The following MTUS1 variants were observed in gnomAD, a reference collection of about 807,000 sequenced individuals.
MTUS1 encodes the protein microtubule associated scaffold protein 1, also known as microtubule-associated tumor suppressor 1.
In MTUS1, 109 loss-of-function variants were observed where a neutral mutation model predicts 120.8. The observed-to-expected ratio is 0.90, with a 90% CI of 0.77 to 1.06. MTUS1 has a LOEUF of 1.06. Ranked by LOEUF, MTUS1 falls within the 50% of genes least tolerant of loss-of-function variation. MTUS1 has a pLI of 0.00. For synonymous variants in MTUS1, 737 were observed against 550.5 expected (o/e 1.34, Z -4.74); for missense variants, 2,210 against 1,486.3 (o/e 1.49, Z -8.01).
chr8:17,722,409 C>T (rs991201213), intron 4 of MTUS1: 44 of 984,834 alleles, frequency 4.5e-5, no homozygotes, highest in Admixed American at 1.2e-4. Flanking sequence ...AAATAATACA[C>T]GTGTGAATTA....
At chr8:17,670,479 C>G (rs2410494) in intron 8 of MTUS1, among the ~76,000 whole-genome samples, 113,321 of 152,034 alleles carry the variant, frequency 0.75, 42,734 homozygotes, top group East Asian at 0.88. Context: ...TCATAATGAA[C>G]ACTATGAGGC....
chr8:17,736,406 C>G (rs62499716), intron 3 of MTUS1, among the ~76,000 whole-genome samples: 1 of 152,092 alleles, frequency 6.6e-6, no homozygotes. Context: ...TGCCTCACCT[C>G]GGGGTCTCTG....
intron 3 of MTUS1, among the ~76,000 whole-genome samples, chr8:17,739,516 TTAA>T (rs2047164620): frequency 6.6e-6 from 1 of 151,832 alleles, no homozygotes. Context: ...AATAAATAAA[TTAA>T]TAAATCAAAC....
At chr8:17,651,181 G>C (rs988501718) in intron 12 of MTUS1, among the ~76,000 whole-genome samples, 1 of 151,846 alleles carries the variant, frequency 6.6e-6, no homozygotes. Flanking sequence ...AGAGGTATGC[G>C]TGTGTATGGT....
intron 1 of MTUS1, among the ~76,000 whole-genome samples, chr8:17,790,885 G>A (rs975140336): frequency 1.3e-5 from 2 of 152,106 alleles, no homozygotes; most frequent in African/African-American, 2.4e-5. Context: ...TACCCAGGAA[G>A]CTGAGGCAGG....
intron 1 of MTUS1, among the ~76,000 whole-genome samples, chr8:17,767,709 A>G (rs1295502909): frequency 6.6e-6 from 1 of 150,582 alleles, no homozygotes; most frequent in African/African-American, 2.5e-5. Flanking sequence ...TTAAAAAAAA[A>G]AAAAAAAAAC....
chr8:17,652,183 A>G (rs935240004), intron 12 of MTUS1, among the ~76,000 whole-genome samples: 6 of 152,194 alleles, frequency 3.9e-5, no homozygotes, highest in Non-Finnish European at 8.8e-5. Flanking sequence ...ATTTTTTTCA[A>G]AAAGACAAAG....
intron 1 of MTUS1, among the ~76,000 whole-genome samples, chr8:17,784,900 T>C (rs897534283): frequency 7.9e-5 from 12 of 152,006 alleles, no homozygotes; most frequent in Non-Finnish European, 4.4e-5. Context: ...TTCTCGGGCC[T>C]CAGCTGCCTG....
At chr8:17,789,200 T>G (rs1373538431) in intron 1 of MTUS1, among the ~76,000 whole-genome samples, 2 of 152,112 alleles carry the variant, frequency 1.3e-5, no homozygotes, top group Non-Finnish European at 2.9e-5. Context: ...ACCTGGCTAC[T>G]TTTGTAATTT....
chr8:17,796,656 G>T (rs2052268664), intron 1 of MTUS1, among the ~76,000 whole-genome samples: 1 of 152,096 alleles, frequency 6.6e-6, no homozygotes, highest in Admixed American at 6.5e-5. Context: ...CATTTCTAAG[G>T]CCAAGTGAGC....
At chr8:17,752,257 G>T (rs1263618200) in intron 2 of MTUS1, among the ~76,000 whole-genome samples, 1 of 152,032 alleles carries the variant, frequency 6.6e-6, no homozygotes, top group Non-Finnish European at 1.5e-5. Flanking sequence ...GGTAGCTGGG[G>T]ACTGACACAC....
At chr8:17,794,679 A>G (rs2052074560) in intron 1 of MTUS1, among the ~76,000 whole-genome samples, 1 of 152,252 alleles carries the variant, frequency 6.6e-6, no homozygotes, top group African/African-American at 2.4e-5. Context: ...CAATTCTGTA[A>G]TTTGATTAAC....
intron 4 of MTUS1, among the ~76,000 whole-genome samples, chr8:17,719,587 A>C (rs1338358442): frequency 6.6e-6 from 1 of 152,146 alleles, no homozygotes. Flanking sequence ...AGCCTAATGA[A>C]TCTACCGCCT....
chr8:17,770,452 C>T (rs2049939821), intron 1 of MTUS1: 2 of 152,168 alleles, frequency 1.3e-5, no homozygotes, highest in Admixed American at 1.3e-4. Flanking sequence ...AATATCAAAA[C>T]CAACTGCTAT....
Position 17,723,780 on chromosome 8 carries a change from G to A in MTUS1, c.2341C>T (p.Pro781Ser), listed in dbSNP as rs751529077. 1.2e-6 allele frequency: 2 copies of A among 1,609,606 alleles called. No individual in the cohort carries two copies. The highest frequency in any genetic ancestry group is 1.7e-6 in the Non-Finnish European group (2 of 1,177,192). The change falls in exon 4 of 15, where the codon CCA becomes TCA. Residue 781 changes from proline to serine, a missense_variant. Coordinates refer to ENST00000693296, the MANE Select transcript of MTUS1 (RefSeq NM_001363059.2). ...AAAGATGCTTTGGATTTAGGAAGTG[G>A]TCTAGGCAAATTCACCCATGACGAC... ...AQSSWVNLPR[P>S]LPKSKASLKS... is the part of the protein sequence containing the mutation.
At chr8:17,708,131 C>A (rs1019115988) in intron 6 of MTUS1, among the ~76,000 whole-genome samples, 2 of 152,194 alleles carry the variant, frequency 1.3e-5, no homozygotes, top group Non-Finnish European at 2.9e-5. Flanking sequence ...AAATTTAAAA[C>A]GTTTATGTTT....
chr8:17,669,169 A>C (rs1811500807), intron 8 of MTUS1, among the ~76,000 whole-genome samples: 1 of 152,236 alleles, frequency 6.6e-6, no homozygotes, highest in African/African-American at 2.4e-5. Flanking sequence ...TTAAATGTGT[A>C]CAGGGTGCTT....
At chr8:17,664,915 G>A (rs909783011) in intron 8 of MTUS1, among the ~76,000 whole-genome samples, 1 of 151,838 alleles carries the variant, frequency 6.6e-6, no homozygotes, top group African/African-American at 2.4e-5. Context: ...GTGGCCTAAA[G>A]AAGAAAAAAA....
At chr8:17,800,104 A>C (rs1180306611) in intron 1 of MTUS1, among the ~76,000 whole-genome samples, 2 of 152,164 alleles carry the variant, frequency 1.3e-5, no homozygotes, top group African/African-American at 4.8e-5. Context: ...AAAGTTGTCC[A>C]TGCACTGTTA....
Sources: allele counts gnomAD v4.1 joint callset (sites outside exome capture counted in the v4.1 genomes callset), GRCh38; gene constraint gnomAD v4.1.1; transcripts MANE v1.5; gene names NCBI Gene and HGNC (gene_info 2026-07-23, HGNC 2026-07-21).